Variants in PHF24 observed in about 807,000 individuals in gnomAD.
PHF24 encodes the protein Galpha inhibitory interacting protein.
In PHF24, 25 loss-of-function variants were observed where a neutral mutation model predicts 42.6. That is an observed-to-expected ratio of 0.59 (90% CI 0.43 to 0.82). The LOEUF (loss-of-function observed/expected upper bound fraction) is 0.82. PHF24 is among the 40% of genes least tolerant of loss of function. The probability of loss-of-function intolerance (pLI) is 0.00; values close to 1 mark genes in which losing one functional copy is unlikely to be tolerated. For synonymous variants in PHF24, 185 were observed against 204.8 expected (o/e 0.90, Z 0.83); for missense variants, 470 against 538.1 (o/e 0.87, Z 1.25).
chr9:34,933,274 G>A, the PHF24 span, among the ~76,000 whole-genome samples: 1 of 152,016 alleles, frequency 6.6e-6, no homozygotes, highest in Non-Finnish European at 1.5e-5. Flanking sequence ...ATCAAGTAGA[G>A]GCAATGAGAA....
the PHF24 span, among the ~76,000 whole-genome samples, chr9:34,666,397 A>T: frequency 6.6e-6 from 1 of 151,922 alleles, no homozygotes. Flanking sequence ...CTCCCCTTGT[A>T]TGACCCTGGG....
At chr9:34,793,532 A>T in the PHF24 span, among the ~76,000 whole-genome samples, 1 of 152,204 alleles carries the variant, frequency 6.6e-6, no homozygotes, top group Non-Finnish European at 1.5e-5. Context: ...TAGCAGGTGT[A>T]TTGGAGAAGA....
At chr9:34,937,312 T>C in the PHF24 span, among the ~76,000 whole-genome samples, 1 of 152,168 alleles carries the variant, frequency 6.6e-6, no homozygotes, top group Non-Finnish European at 1.5e-5. Flanking sequence ...TAAGAAAAAT[T>C]GTTCTGTCTT....
chr9:34,839,326 T>C, the PHF24 span, among the ~76,000 whole-genome samples: 1 of 152,348 alleles, frequency 6.6e-6, no homozygotes, highest in Non-Finnish European at 1.5e-5. Flanking sequence ...TGGTTGGATC[T>C]ATTCATCTCT....
the PHF24 span, chr9:34,725,101 A>T: frequency 6.5e-7 from 1 of 1,550,100 alleles, no homozygotes; most frequent in Non-Finnish European, 8.7e-7. Flanking sequence ...GAATGCAGGG[A>T]AAAGGAGCCA....
chr9:34,701,622 G>A, the PHF24 span, among the ~76,000 whole-genome samples: 2 of 152,088 alleles, frequency 1.3e-5, no homozygotes, highest in Non-Finnish European at 2.9e-5. The surrounding 1 kb of genome is among the most constrained non-coding windows in gnomAD (Gnocchi z 5.8). Flanking sequence ...CCCTGGCCCC[G>A]CCGTCCCTGG....
the PHF24 span, among the ~76,000 whole-genome samples, chr9:34,900,340 T>G: frequency 2.8e-4 from 43 of 152,316 alleles, no homozygotes; most frequent in South Asian, 1.0e-3. Flanking sequence ...GGCTCATGCC[T>G]GTAATCCCAG....
the PHF24 span, chr9:34,726,670 A>T: frequency 6.4e-7 from 1 of 1,551,514 alleles, no homozygotes. Flanking sequence ...TGCCATCTGC[A>T]TACGTTGACT....
At chr9:34,925,215 G>T in the PHF24 span, among the ~76,000 whole-genome samples, 1 of 152,050 alleles carries the variant, frequency 6.6e-6, no homozygotes, top group Non-Finnish European at 1.5e-5. Context: ...TAAGGCTTCT[G>T]CTGAGAAATC....
intron 3 of PHF24, among the ~76,000 whole-genome samples, chr9:34,974,042 T>G (rs1317490014): frequency 6.6e-6 from 1 of 152,168 alleles, no homozygotes; most frequent in African/African-American, 2.4e-5. Flanking sequence ...GGTCTCACTG[T>G]GTCACCTGGC....
At chr9:34,873,523 G>A in the PHF24 span, among the ~76,000 whole-genome samples, 18 of 151,600 alleles carry the variant, frequency 1.2e-4, no homozygotes, top group Admixed American at 3.3e-4. Context: ...GTAGATATGC[G>A]GCATTATTTC....
the PHF24 span, among the ~76,000 whole-genome samples, chr9:34,930,737 C>T: frequency 1.3e-5 from 2 of 152,178 alleles, no homozygotes; most frequent in Non-Finnish European, 2.9e-5. Flanking sequence ...GGAACTAGCC[C>T]AGATTACCTT....
intron 1 of PHF24, among the ~76,000 whole-genome samples, chr9:34,960,040 G>T (rs1052670977): frequency 3.3e-5 from 5 of 152,190 alleles, no homozygotes; most frequent in African/African-American, 1.2e-4. Context: ...AGTCTGTTAG[G>T]GGGAGCGCAA....
intron 4 of PHF24, 30 bp downstream of exon 4, chr9:34,976,260 G>T (rs963717504): frequency 6.4e-7 from 1 of 1,564,088 alleles, no homozygotes; most frequent in South Asian, 1.1e-5. Context: ...CATGGATGGA[G>T]AGGGGCCGGG....
chr9:34,724,140 T>G, the PHF24 span: 3,931 of 1,548,164 alleles, frequency 2.5e-3, 214 homozygotes, highest in Admixed American at 0.072. Flanking sequence ...TCCTTGCTCT[T>G]GCTAGGGCTT....
At chr9:34,884,765 G>T in the PHF24 span, among the ~76,000 whole-genome samples, 1 of 152,188 alleles carries the variant, frequency 6.6e-6, no homozygotes, top group South Asian at 2.1e-4. Flanking sequence ...TCCCTGGAGG[G>T]TGGCAAGAGG....
the PHF24 span, among the ~76,000 whole-genome samples, chr9:34,786,362 G>T: frequency 6.6e-6 from 1 of 152,138 alleles, no homozygotes; most frequent in Non-Finnish European, 1.5e-5. Flanking sequence ...AGCTAAGGAA[G>T]CTTCACAAAG....
At chr9:34,909,600 C>G in the PHF24 span, among the ~76,000 whole-genome samples, 12 of 152,014 alleles carry the variant, frequency 7.9e-5, no homozygotes, top group East Asian at 2.1e-3. Context: ...TGAGAGGTAC[C>G]TTAGAACATA....
At chr9:34,820,361 GT>G in the PHF24 span, among the ~76,000 whole-genome samples, 6 of 152,006 alleles carry the variant, frequency 3.9e-5, no homozygotes, top group Non-Finnish European at 7.4e-5. Context: ...CTGATAGGTA[GT>G]TTTTCGATCC....
Sources: gnomAD v4.1 joint callset for allele counts (sites outside exome capture counted in the v4.1 genomes callset) on GRCh38, gnomAD v4.1.1 for gene constraint, Gnocchi (gnomAD v3.1) non-coding constraint, MANE v1.5 for transcripts, NCBI Gene and HGNC (gene_info 2026-07-23, HGNC 2026-07-21) for gene names.